The following IGFBP3 variants were observed in gnomAD, a reference collection of about 807,000 sequenced individuals.
The protein encoded by IGFBP3 is insulin-like growth factor-binding protein 3.
IGFBP3 carries 9 observed loss-of-function variants against 28.6 expected under a neutral mutation model. The observed-to-expected ratio is 0.31, with a 90% CI of 0.19 to 0.55. The LOEUF (loss-of-function observed/expected upper bound fraction) is 0.55, where lower values mean the gene tolerates loss of function less well. Among genes scored for constraint, IGFBP3 ranks in the 20% least tolerant of loss-of-function variants. The pLI is 0.93. For synonymous variants in IGFBP3, 185 were observed against 188.2 expected (o/e 0.98, Z 0.14); for missense variants, 382 against 428.9 (o/e 0.89, Z 0.97).
At position 45,917,274 on chromosome 7, in the gene IGFBP3, T is replaced by A. The variant is rs1160866968; in HGVS notation, c.569A>T (p.Tyr190Phe). 1 of 1,614,022 alleles carries A rather than the reference T, an allele frequency of 6.2e-7. No individual in the cohort carries two copies. Among genetic ancestry groups the A allele is most frequent in the Admixed American group, 1.7e-5 (1 of 60,010 alleles). Residue 190 changes from tyrosine (Y) to phenylalanine (F), a missense_variant, in exon 2 of 5, where the codon TAC (tyrosine) becomes TTC (phenylalanine). Transcript: ENST00000613132. Reference sequence around the variant, plus strand: ...CTGGGTATCTGTGCTCTGAGACTCGTAGTCAACTTTGTAGCGCTGGCTGTC... The same window carrying A: ...CTGGGTATCTGTGCTCTGAGACTCGAAGTCAACTTTGTAGCGCTGGCTGTC... ...AKDSQRYKVD[Y>F]ESQSTDTQNF...
rs562431066 is a variant in IGFBP3 at position 45,920,721 on chromosome 7, T to C, written c.403+17A>G. On this transcript the variant is annotated intron_variant, in intron 1 of 4. Coordinates refer to ENST00000613132, the MANE Select transcript of IGFBP3 (RefSeq NM_000598.5). Reference sequence around the variant, plus strand: ...CGCCGGGTGCTGCACGCAGCGCACCTGGCGCGGGCGGCTCACCTGGAGCTG... The same window carrying C: ...CGCCGGGTGCTGCACGCAGCGCACCCGGCGCGGGCGGCTCACCTGGAGCTG... 1,233 of 1,385,438 alleles carry C rather than the reference T, an allele frequency of 8.9e-4. 21 individuals carry two copies. In the East Asian group the frequency reaches 0.028, roughly 31 times the overall value. 85.8% of individuals were successfully genotyped at this position (1,385,438 alleles called of 1,614,324 possible). A position where few individuals can be genotyped will look rare whatever the true frequency, so the allele number is the denominator to read the frequency against.
rs1264248671 is a variant in IGFBP3 at position 45,913,244 on chromosome 7, G to C, written c.*606C>G. 6.6e-6 allele frequency: 1 copy of C among 152,100 alleles called. No homozygotes were observed. The highest frequency in any genetic ancestry group is 2.4e-5 in the African/African-American group (1 of 41,426). The allele number at this position is 152,100 out of a possible 1,614,324, so 9.4% of individuals were successfully genotyped here. ...TCTTAGATACATATTTTTTAAACAA[G>C]TAGGACTCCACCTTATTTTCTCCAA... On this transcript the variant is annotated 3_prime_UTR_variant, in exon 5 of 5. Transcript: ENST00000613132.
chr7:45,919,020 G>A (rs1784648927), intron 1 of IGFBP3, among the ~76,000 whole-genome samples: 1 of 152,188 alleles, frequency 6.6e-6, no homozygotes, highest in South Asian at 2.1e-4. Context: ...AATACTCTAA[G>A]AACATGTAAA....
Position 45,916,819 on chromosome 7 carries a change from C to A in IGFBP3, c.631-152G>T, listed in dbSNP as rs558154747. ...TGTCTGATGTAGCACGAAAGTCCCC[C>A]GAATAAGCTAACCATCACTCCCTGT... On this transcript the variant is annotated intron_variant, in intron 2 of 4. Transcript: ENST00000613132. The A allele has an allele frequency of 8.9e-6, 7 of 786,432 alleles. No individual in the cohort carries two copies. In the African/African-American group the frequency reaches 1.2e-4, roughly 13 times the overall value. 48.7% of individuals were successfully genotyped at this position (786,432 alleles called of 1,614,324 possible).
In IGFBP3 at chr7:45,916,627, A is replaced by C; in HGVS notation, c.671T>G (p.Leu224Arg). The C allele has an allele frequency of 6.2e-7, 1 of 1,613,438 alleles. No individual in the cohort carries two copies. Among genetic ancestry groups the C allele is most frequent in the South Asian group, 1.1e-5 (1 of 91,048 alleles). ...GGGACTCAGCACATTGAGGAACTTC[A>C]GGTGATTCAGTGTGTCTTCCATTTC... The part of the protein sequence containing the change: ...RREMEDTLNH[L>R]KFLNVLSPRG... Residue 224 changes from leucine (L) to arginine (R), a missense_variant, in exon 3 of 5, where the codon CTG (leucine) becomes CGG (arginine). Transcript: ENST00000613132.
Position 45,917,124 on chromosome 7 carries a change from T to C in IGFBP3, c.630+89A>G. 2.8e-6 allele frequency: 3 copies of C among 1,074,032 alleles called. No homozygotes were observed. In the Admixed American group the frequency reaches 5.4e-5, roughly 19 times the overall value. The allele number at this position is 1,074,032 out of a possible 1,614,324, so 66.5% of individuals were successfully genotyped here. On this transcript the variant is annotated intron_variant, in intron 2 of 4. Transcript: ENST00000613132. ...CACCCATCAGCCAGGCGCTGGGGTT[T>C]GTTGAGTAAGAATTGCCCTCAAGAG...
rs764405137 is a variant in IGFBP3 at position 45,921,052 on chromosome 7, C to T, written c.89G>A (p.Ser30Asn). 6.9e-7 allele frequency: 1 copy of T among 1,445,836 alleles called. No homozygotes were observed. The highest frequency in any genetic ancestry group is 9.0e-7 in the Non-Finnish European group (1 of 1,106,988). The allele number at this position is 1,445,836 out of a possible 1,614,324, so 89.6% of individuals were successfully genotyped here. A position where few individuals can be genotyped will look rare whatever the true frequency, so the allele number is the denominator to read the frequency against. Residue 30 changes from serine to asparagine, a missense_variant, in exon 1 of 5, where the codon AGC becomes AAC. By Grantham distance (46) the Ser-to-Asn change is conservative (BLOSUM62 1). Coordinates refer to ENST00000613132, the MANE Select transcript of IGFBP3 (RefSeq NM_000598.5). ...CACCACGGGACCCAAGCCCGCCGAGCTCGCGCCAGCCCGCGCCACCGGCGG... is the reference window on the plus strand; with the variant it reads ...CACCACGGGACCCAAGCCCGCCGAGTTCGCGCCAGCCCGCGCCACCGGCGG... Reference protein sequence around the residue: ...RGPPVARAGASSAGLGPVVRC... With the variant: ...RGPPVARAGANSAGLGPVVRC...
At chr7:45,919,974 C>T (rs894520366) in intron 1 of IGFBP3, 1 of 151,330 alleles carries the variant, frequency 6.6e-6, no homozygotes, top group Non-Finnish European at 1.5e-5. Flanking sequence ...TTCCAATTCC[C>T]TTCCGTGTCA....
intron 1 of IGFBP3, among the ~76,000 whole-genome samples, chr7:45,918,611 A>G (rs1784644332): frequency 6.6e-6 from 1 of 152,234 alleles, no homozygotes; most frequent in Non-Finnish European, 1.5e-5. Context: ...TTTCTCTACT[A>G]CAACAAACAG....
chr7:45,914,140 A>G (rs1483012411), intron 4 of IGFBP3: 2 of 152,254 alleles, frequency 1.3e-5, no homozygotes, highest in African/African-American at 4.8e-5. Flanking sequence ...ATAAAATGAA[A>G]GAAAATGTAT....
In IGFBP3 at chr7:45,912,878, C is replaced by A. The variant is rs1360066356; in HGVS notation, c.*972G>T. 2.0e-5 allele frequency: 3 copies of A among 152,426 alleles called. No individual in the cohort carries two copies. The highest frequency in any genetic ancestry group is 2.9e-5 in the Non-Finnish European group (2 of 68,026). The allele number at this position is 152,426 out of a possible 1,614,324, so 9.4% of individuals were successfully genotyped here. A position where few individuals can be genotyped will look rare whatever the true frequency, so the allele number is the denominator to read the frequency against. ...CAGCAAGCCATTCCTCCTTCCTGTTCTGATATTACTATTCTTTTTTACATT... is the reference window on the plus strand; with the variant it reads ...CAGCAAGCCATTCCTCCTTCCTGTTATGATATTACTATTCTTTTTTACATT... On this transcript the variant is annotated 3_prime_UTR_variant, in exon 5 of 5. Coordinates refer to ENST00000613132, the MANE Select transcript of IGFBP3 (RefSeq NM_000598.5).
chr7:45,917,490 C>G, intron 1 of IGFBP3, 51 bp from the exon 2 acceptor site: 2 of 1,430,804 alleles, frequency 1.4e-6, no homozygotes, highest in African/African-American at 1.4e-5. Flanking sequence ...ATATCTATCA[C>G]AGTCTTTTAA....
intron 1 of IGFBP3, among the ~76,000 whole-genome samples, chr7:45,919,509 T>C (rs185759754): frequency 1.2e-3 from 187 of 152,324 alleles, no homozygotes; most frequent in Non-Finnish European, 2.0e-3. Context: ...AGAGCCAGCC[T>C]TGCCGAGCCA....
rs1784682043 is a variant in IGFBP3, at chr7:45,921,040, A to C, written c.101T>G (p.Leu34Trp). ...CGGCTCGCAGCGCACCACGGGACCCAAGCCCGCCGAGCTCGCGCCAGCCCG... is the reference window on the plus strand; with the variant it reads ...CGGCTCGCAGCGCACCACGGGACCCCAGCCCGCCGAGCTCGCGCCAGCCCG... ...VARAGASSAG[L>W]GPVVRCEPCD... Residue 34 changes from leucine to tryptophan, a missense_variant, in exon 1 of 5, where the codon TTG becomes TGG. Transcript: ENST00000613132. 6.9e-7 allele frequency: 1 copy of C among 1,439,126 alleles called. No homozygotes were observed. The highest frequency in any genetic ancestry group is 1.5e-5 in the African/African-American group (1 of 66,652). The allele number at this position is 1,439,126 out of a possible 1,614,324, so 89.1% of individuals were successfully genotyped here. A position where few individuals can be genotyped will look rare whatever the true frequency, so the allele number is the denominator to read the frequency against.
chr7:45,917,149 G>A, intron 2 of IGFBP3, 64 bp downstream of exon 2: 3 of 1,347,234 alleles, frequency 2.2e-6, no homozygotes, highest in Non-Finnish European at 3.2e-6. Flanking sequence ...GCCCTCAAGA[G>A]GCTCTGAGTA....
chr7:45,919,754 C>A (rs1194432398), intron 1 of IGFBP3, among the ~76,000 whole-genome samples: 1 of 152,150 alleles, frequency 6.6e-6, no homozygotes, highest in Non-Finnish European at 1.5e-5. Context: ...AGAACAGCTG[C>A]CAAATCCATT....
rs746646862 is a variant in IGFBP3 at position 45,913,736 on chromosome 7, C to T, written c.*114G>A. 1.3e-5 allele frequency: 2 copies of T among 152,520 alleles called. No individual in the cohort carries two copies. Among genetic ancestry groups the T allele is most frequent in the Non-Finnish European group, 2.9e-5 (2 of 68,034 alleles). 9.4% of individuals were successfully genotyped at this position (152,520 alleles called of 1,614,324 possible). On this transcript the variant is annotated 3_prime_UTR_variant, in exon 5 of 5. Transcript: ENST00000613132. ...AACTTTGGTTTAAAAAAAATCAGTT[C>T]ACCACAAACAGAAATATAAATCGAG...
chr7:45,918,756 C>G (rs184690924), intron 1 of IGFBP3, among the ~76,000 whole-genome samples: 7 of 152,306 alleles, frequency 4.6e-5, no homozygotes, highest in Non-Finnish European at 1.0e-4. Flanking sequence ...ACTGGCAGGT[C>G]ACTCACCAGG....
In IGFBP3 at chr7:45,917,299, C is replaced by G. The variant is rs1225224956; in HGVS notation, c.544G>C (p.Asp182His). 1 of 1,614,114 alleles carries G rather than the reference C, an allele frequency of 6.2e-7. No individual in the cohort carries two copies. Among genetic ancestry groups the G allele is most frequent in the South Asian group, 1.1e-5 (1 of 91,078 alleles). ...IIIIKKGHAKDSQRYKVDYES... is the reference protein window; with the variant it reads ...IIIIKKGHAKHSQRYKVDYES... Reference sequence around the variant, plus strand: ...TAGTCAACTTTGTAGCGCTGGCTGTCTTTAGCATGCCCTTTCTTGATGATG... The same window carrying G: ...TAGTCAACTTTGTAGCGCTGGCTGTGTTTAGCATGCCCTTTCTTGATGATG... Residue 182 changes from aspartate (D) to histidine (H), a missense_variant, in exon 2 of 5, where the codon GAC (aspartate) becomes CAC (histidine). Transcript: ENST00000613132.
Sources: allele counts gnomAD v4.1 joint callset (sites outside exome capture counted in the v4.1 genomes callset), GRCh38; gene constraint gnomAD v4.1.1; transcripts MANE v1.5; gene names NCBI Gene and HGNC (gene_info 2026-07-23, HGNC 2026-07-21).